TCF12: variants seen among roughly 807,000 people sequenced by gnomAD.
TCF12 encodes the protein transcription factor 12.
A neutral mutation model predicts 86.0 loss-of-function variants in TCF12; 45 were observed. The ratio of observed to expected loss-of-function variants is 0.52; its 90% CI spans 0.41 to 0.67. The LOEUF is 0.67. Ranked by LOEUF, TCF12 falls within the 30% of genes least tolerant of loss-of-function variation. The pLI is 0.00. For synonymous variants in TCF12, 330 were observed against 299.6 expected (o/e 1.10, Z -1.05); for missense variants, 881 against 859.9 (o/e 1.02, Z -0.31).
At chr15:57,163,978 T>G (rs778848172) in intron 5 of TCF12, among the ~76,000 whole-genome samples, 2 of 152,116 alleles carry the variant, frequency 1.3e-5, no homozygotes, top group Non-Finnish European at 2.9e-5. Context: ...GAGAACAACT[T>G]CATTCTGTGC....
At chr15:57,035,762 G>A (rs1481159908) in intron 3 of TCF12, among the ~76,000 whole-genome samples, 1 of 152,122 alleles carries the variant, frequency 6.6e-6, no homozygotes, top group Non-Finnish European at 1.5e-5. Context: ...TATGGAATTA[G>A]AAAAGTGGAT....
At chr15:57,251,772 A>G (rs530274139) in intron 14 of TCF12, among the ~76,000 whole-genome samples, 1 of 152,334 alleles carries the variant, frequency 6.6e-6, no homozygotes, top group East Asian at 1.9e-4. Flanking sequence ...TAATCCAGCA[A>G]TGCAAAATTT....
chr15:57,171,088 GT>G (rs1182545414), intron 6 of TCF12, among the ~76,000 whole-genome samples: 2 of 151,638 alleles, frequency 1.3e-5, no homozygotes, highest in African/African-American at 4.9e-5. Flanking sequence ...TATGATTACT[GT>G]TTAGCAAACA....
rs2055296319 is a variant in TCF12, at chr15:57,170,673, ATAATATATTATATATAATATATATTAT to A, written c.390+4208_390+4234del. On this transcript the variant is annotated intron_variant, in intron 6 of 20. Coordinates refer to ENST00000333725, the MANE Select transcript of TCF12 (RefSeq NM_207037.2). ...TATATTATATAAAATATATATATAT[ATAATATATTATATATAATATATATTAT>A]ATATAATATATAATATATATATTAT... Among the ~76,000 whole-genome samples, 3 of 5,858 alleles carry A rather than the reference ATAATATATTATATATAATATATATTAT, an allele frequency of 5.1e-4. 1 individual carries two copies. Among genetic ancestry groups the A allele is most frequent in the African/African-American group, 1.3e-3 (2 of 1,534 alleles). 3.8% of individuals were successfully genotyped at this position (5,858 alleles called of 152,430 possible).
At chr15:57,231,587 G>T (rs765693798) in intron 9 of TCF12, among the ~76,000 whole-genome samples, 1 of 152,082 alleles carries the variant, frequency 6.6e-6, no homozygotes, top group Non-Finnish European at 1.5e-5. Context: ...TTAATTTATG[G>T]ATTCATATCA....
chr15:57,267,012 G>T (rs1486622939), intron 18 of TCF12, among the ~76,000 whole-genome samples: 1 of 152,236 alleles, frequency 6.6e-6, no homozygotes, highest in Non-Finnish European at 1.5e-5. Flanking sequence ...CTGGCTAACA[G>T]AGAGATGCTG....
intron 3 of TCF12, among the ~76,000 whole-genome samples, chr15:57,015,113 A>G (rs1281933039): frequency 6.6e-6 from 1 of 151,848 alleles, no homozygotes; most frequent in East Asian, 1.9e-4. Context: ...ACATGGCGAA[A>G]CCCTGTCTCT....
chr15:57,196,416 G>A (rs1023655556), intron 7 of TCF12, among the ~76,000 whole-genome samples: 12 of 152,250 alleles, frequency 7.9e-5, no homozygotes, highest in Non-Finnish European at 1.3e-4. Context: ...CTCAGGGATC[G>A]TGGAACCAAT....
At chr15:56,994,423 A>G (rs1472744136) in intron 3 of TCF12, among the ~76,000 whole-genome samples, 1 of 152,184 alleles carries the variant, frequency 6.6e-6, no homozygotes, top group Non-Finnish European at 1.5e-5. Context: ...TTGAAGAATT[A>G]AATGGCTAAA....
intron 3 of TCF12, among the ~76,000 whole-genome samples, chr15:57,011,359 T>C (rs1022554303): frequency 6.6e-6 from 1 of 151,986 alleles, no homozygotes; most frequent in Non-Finnish European, 1.5e-5. Flanking sequence ...TTGTTCCTGC[T>C]CTCCCCATGT....
intron 5 of TCF12, among the ~76,000 whole-genome samples, chr15:57,153,764 A>G (rs1348129630): frequency 6.6e-6 from 1 of 152,168 alleles, no homozygotes; most frequent in Non-Finnish European, 1.5e-5. Context: ...ATAGTGGCTC[A>G]TACCTGTAAT....
chr15:56,951,397 T>C (rs1330649513), intron 3 of TCF12, among the ~76,000 whole-genome samples: 1 of 152,234 alleles, frequency 6.6e-6, no homozygotes, highest in Non-Finnish European at 1.5e-5. Flanking sequence ...TTAGGTTGTT[T>C]GTTTTTTATT....
At chr15:57,192,385 T>G (rs1188225611) in intron 7 of TCF12, 92 bp downstream of exon 7, 2 of 1,509,306 alleles carry the variant, frequency 1.3e-6, no homozygotes, top group East Asian at 2.3e-5. Flanking sequence ...TTTTTTTTTT[T>G]TTTCTTTCCG....
chr15:57,202,379 T>C (rs1406961894), intron 8 of TCF12, among the ~76,000 whole-genome samples: 1 of 152,034 alleles, frequency 6.6e-6, no homozygotes, highest in African/African-American at 2.4e-5. Flanking sequence ...CCTACAGTAG[T>C]AGAAAACCAC....
intron 6 of TCF12, among the ~76,000 whole-genome samples, chr15:57,174,285 A>G (rs2055749604): frequency 6.6e-6 from 1 of 152,200 alleles, no homozygotes; most frequent in Non-Finnish European, 1.5e-5. Flanking sequence ...TATTTAGTTC[A>G]CCACATTATA....
chr15:57,023,500 T>C (rs1391042210), intron 3 of TCF12, among the ~76,000 whole-genome samples: 1 of 152,190 alleles, frequency 6.6e-6, no homozygotes, highest in African/African-American at 2.4e-5. Flanking sequence ...TTCATACTTC[T>C]GCACCAACCA....
At chr15:57,182,926 A>C (rs911074990) in intron 6 of TCF12, among the ~76,000 whole-genome samples, 5 of 152,202 alleles carry the variant, frequency 3.3e-5, no homozygotes, top group African/African-American at 1.2e-4. Context: ...AATCTTAGAA[A>C]TGATGCATGT....
intron 3 of TCF12, among the ~76,000 whole-genome samples, chr15:57,010,150 G>A (rs1003024117): frequency 1.3e-5 from 2 of 152,106 alleles, no homozygotes; most frequent in East Asian, 1.9e-4. Context: ...CAATCCCAAA[G>A]TCCCCTCCCT....
intron 16 of TCF12, among the ~76,000 whole-genome samples, chr15:57,257,212 A>T (rs2060385033): frequency 6.6e-6 from 1 of 152,226 alleles, no homozygotes; most frequent in Non-Finnish European, 1.5e-5. Flanking sequence ...ACCTAAGCAG[A>T]TATAATGGGG....
Sources: gnomAD v4.1 joint callset for allele counts (sites outside exome capture counted in the v4.1 genomes callset) on GRCh38, gnomAD v4.1.1 for gene constraint, MANE v1.5 for transcripts, NCBI Gene and HGNC (gene_info 2026-07-23, HGNC 2026-07-21) for gene names.